Variants in AREL1 observed in about 807,000 individuals in gnomAD.
AREL1 encodes the protein apoptosis resistant E3 ubiquitin protein ligase 1.
In AREL1, 62 loss-of-function variants were observed where a neutral mutation model predicts 99.0. That is an observed-to-expected ratio of 0.63 (90% CI 0.51 to 0.77). The LOEUF is 0.77. Among genes scored for constraint, AREL1 ranks in the 30% least tolerant of loss-of-function variants. The probability of loss-of-function intolerance (pLI) is 0.00; values close to 1 mark genes in which losing one functional copy is unlikely to be tolerated. For missense variants in AREL1, 879 were observed against 1,027.6 expected (o/e 0.86, Z 1.98); for synonymous variants, 380 against 376.5 (o/e 1.01, Z -0.11).
At position 74,686,391 on chromosome 14, in the gene AREL1, A is replaced by G. The variant is rs139825023; in HGVS notation, c.-45-731T>C. Among the ~76,000 whole-genome samples, 29 of 152,372 alleles carry G rather than the reference A, an allele frequency of 1.9e-4. 1 individual carries two copies. The East Asian group carries it at 5.6e-3, about 29-fold the overall frequency. On this transcript the variant is annotated intron_variant, in intron 2 of 19. Transcript: ENST00000356357. ...TTTCCAGAATAAGACTTCAATCTTA[A>G]TTACTCATTTGATCATGTGAACCAA...
chr14:74,684,613 ACGTG>A lies in AREL1; in HGVS notation c.80_83del (p.Ala27ValfsTer2), dbSNP rs766951711. 3 of 1,614,230 alleles carry A rather than the reference ACGTG, an allele frequency of 1.9e-6. No homozygotes were observed. Among genetic ancestry groups the A allele is most frequent in the Non-Finnish European group, 2.5e-6 (3 of 1,180,032 alleles). On this transcript the variant is annotated frameshift_variant, in exon 4 of 20. Coordinates refer to ENST00000356357, the MANE Select transcript of AREL1 (RefSeq NM_001039479.2). LOFTEE classifies it high-confidence loss of function. Reference sequence around the variant, plus strand: ...CCTCATTCTGGAGGAAGCTGACTACACGTGCGGCAAGCTCAAAGAGGAACTTAAT... The same window carrying A: ...CCTCATTCTGGAGGAAGCTGACTACACGGCAAGCTCAAAGAGGAACTTAAT...
At chr14:74,700,973 G>A (rs915042826) in intron 1 of AREL1, among the ~76,000 whole-genome samples, 1 of 152,178 alleles carries the variant, frequency 6.6e-6, no homozygotes, top group Non-Finnish European at 1.5e-5. Context: ...CACAAGATAA[G>A]GGGCTACTGG....
In AREL1 at chr14:74,673,233, C is replaced by G. The variant is rs11844127; in HGVS notation, c.1159-15G>C. Reference sequence around the variant, plus strand: ...AGGTATGAAAACTGGTAAAGAAAAACAAAGAAATTAATCTATAAAACCCTC... The same window carrying G: ...AGGTATGAAAACTGGTAAAGAAAAAGAAAGAAATTAATCTATAAAACCCTC... On this transcript the variant is annotated splice_polypyrimidine_tract_variant and intron_variant, in intron 9 of 19. Transcript: ENST00000356357. 0.25 allele frequency: 404,261 copies of G among 1,611,806 alleles called. 55,991 individuals carry two copies. The highest frequency in any genetic ancestry group is 0.53 in the African/African-American group (39,888 of 74,834).
Position 74,676,417 on chromosome 14 carries a change from A to G in AREL1, c.652-96T>C, listed in dbSNP as rs982985886. ...AAAGAGCTTTCCTATCTATGATCTA[A>G]TCTAAATCACAAAATTACTAATGAG... On this transcript the variant is annotated intron_variant, in intron 6 of 19. Coordinates refer to ENST00000356357, the MANE Select transcript of AREL1 (RefSeq NM_001039479.2). 3 of 1,470,252 alleles carry G rather than the reference A, an allele frequency of 2.0e-6. No individual in the cohort carries two copies. In the African/African-American group the frequency reaches 4.2e-5, roughly 21 times the overall value. 91.1% of individuals were successfully genotyped at this position (1,470,252 alleles called of 1,614,324 possible). A position where few individuals can be genotyped will look rare whatever the true frequency, so the allele number is the denominator to read the frequency against.
chr14:74,710,768 A>G (rs2090265694), intron 1 of AREL1, among the ~76,000 whole-genome samples: 1 of 152,234 alleles, frequency 6.6e-6, no homozygotes, highest in Admixed American at 6.5e-5. Flanking sequence ...TATGTAAACT[A>G]TTAAGCCATC....
intron 8 of AREL1, 96 bp from the exon 9 acceptor site, chr14:74,674,207 C>T (rs2089420831): frequency 6.9e-6 from 7 of 1,007,718 alleles, no homozygotes; most frequent in Non-Finnish European, 1.0e-5. Flanking sequence ...ATTTACATTT[C>T]TCATAACCTT....
chr14:74,667,318 C>T lies in AREL1; in HGVS notation c.2103+1G>A. 1 of 1,614,094 alleles carries T rather than the reference C, an allele frequency of 6.2e-7. No individual in the cohort carries two copies. The highest frequency in any genetic ancestry group is 8.5e-7 in the Non-Finnish European group (1 of 1,180,002). On this transcript the variant is annotated splice_donor_variant, in intron 17 of 19. Transcript: ENST00000356357. LOFTEE classifies it high-confidence loss of function. Reference sequence around the variant, plus strand: ...TGGGAGTCTGAATTGCAATCACTTACCTCAAGCTCATTCTCATCAAAAATA... The same window carrying T: ...TGGGAGTCTGAATTGCAATCACTTATCTCAAGCTCATTCTCATCAAAAATA...
At chr14:74,671,357 GCGA>G in intron 12 of AREL1, 48 bp downstream of exon 12, 1 of 485,964 alleles carries the variant, frequency 2.1e-6, no homozygotes, top group Non-Finnish European at 3.6e-6. Context: ...TGGAGAAGGT[GCGA>G]GTGGGGAGGA....
At chr14:74,710,767 T>G (rs1302166440) in intron 1 of AREL1, among the ~76,000 whole-genome samples, 1 of 152,194 alleles carries the variant, frequency 6.6e-6, no homozygotes, top group African/African-American at 2.4e-5. Flanking sequence ...ATATGTAAAC[T>G]ATTAAGCCAT....
chr14:74,701,171 C>G (rs2090078611), intron 1 of AREL1, among the ~76,000 whole-genome samples: 2 of 151,942 alleles, frequency 1.3e-5, no homozygotes, highest in Admixed American at 1.3e-4. Flanking sequence ...AATGAATAAA[C>G]AAGAGGAAGA....
Position 74,663,305 on chromosome 14 carries a change from G to T in AREL1, c.*415C>A, listed in dbSNP as rs886414698. On this transcript the variant is annotated 3_prime_UTR_variant, in exon 20 of 20. Transcript: ENST00000356357. ...ACTCAAGTACCAGTCTGGTCAAGTA[G>T]TGAGGGCCAAAGAGGGTGTCTCCAA... 17 of 254,242 alleles carry T rather than the reference G, an allele frequency of 6.7e-5. No individual in the cohort carries two copies. The highest frequency in any genetic ancestry group is 5.5e-4 in the Admixed American group (12 of 21,962). 15.7% of individuals were successfully genotyped at this position (254,242 alleles called of 1,614,324 possible).
intron 1 of AREL1, among the ~76,000 whole-genome samples, chr14:74,700,755 G>C (rs1006094143): frequency 1.3e-4 from 20 of 152,192 alleles, no homozygotes; most frequent in African/African-American, 4.6e-4. Context: ...ACTCCAGTCT[G>C]GGCGACAGAG....
Position 74,666,782 on chromosome 14 carries a change from C to T in AREL1, c.2103+537G>A, listed in dbSNP as rs571786568. On this transcript the variant is annotated intron_variant, in intron 17 of 19. Transcript: ENST00000356357. Reference sequence around the variant, plus strand: ...TTGCCCAGGCTGGAATGCAGTGGTGCGATCTCGGATCACTGCAACTTCCGC... The same window carrying T: ...TTGCCCAGGCTGGAATGCAGTGGTGTGATCTCGGATCACTGCAACTTCCGC... Among the ~76,000 whole-genome samples, 114 of 146,602 alleles carry T rather than the reference C, an allele frequency of 7.8e-4. 3 individuals are homozygous for T. In the South Asian group the frequency reaches 0.023, roughly 30 times the overall value.
chr14:74,676,548 C>T, intron 6 of AREL1, 35 bp downstream of exon 6: 1 of 1,599,518 alleles, frequency 6.3e-7, no homozygotes, highest in Non-Finnish European at 8.5e-7. Context: ...AGCCAGCTCT[C>T]TCTAGCACAC....
At chr14:74,667,258 G>C in intron 17 of AREL1, 61 bp downstream of exon 17, 1 of 1,597,986 alleles carries the variant, frequency 6.3e-7, no homozygotes, top group Non-Finnish European at 8.6e-7. Flanking sequence ...ACACCAAGCT[G>C]GTTCCTGTAA....
At chr14:74,692,704 GT>G (rs1488423575) in intron 1 of AREL1, among the ~76,000 whole-genome samples, 1 of 151,918 alleles carries the variant, frequency 6.6e-6, no homozygotes, top group African/African-American at 2.4e-5. Flanking sequence ...CAGTTTTTTT[GT>G]TTTTGTTTTT....
chr14:74,683,640 A>G (rs966704849), intron 4 of AREL1, 107 bp from the exon 5 acceptor site: 6 of 923,360 alleles, frequency 6.5e-6, no homozygotes, highest in Non-Finnish European at 1.0e-5. Context: ...CCACACCAGT[A>G]AATCCCAGTA....
At position 74,669,743 on chromosome 14, in the gene AREL1, T is replaced by C. The variant is rs1372573935; in HGVS notation, c.1820A>G (p.Lys607Arg). Residue 607 changes from lysine (K) to arginine (R), a missense_variant, in exon 15 of 20, where the codon AAA (lysine) becomes AGA (arginine). Physicochemically the swap from Lys to Arg is conservative, Grantham distance 26 (BLOSUM62 2). Coordinates refer to ENST00000356357, the MANE Select transcript of AREL1 (RefSeq NM_001039479.2). ...YFETDDPEFY[K>R]SKVCFILNND... ...GTTGAGGATAAAACAAACTTTAGAT[T>C]TGTAGAATTCTGGGTCATCTGTTTC... 2.5e-6 allele frequency: 4 copies of C among 1,614,066 alleles called. No individual in the cohort carries two copies. Among genetic ancestry groups the C allele is most frequent in the South Asian group, 1.1e-5 (1 of 91,088 alleles).
At chr14:74,711,662 C>T (rs992750130) in intron 1 of AREL1, among the ~76,000 whole-genome samples, 21 of 152,170 alleles carry the variant, frequency 1.4e-4, no homozygotes, top group African/African-American at 1.9e-4. Flanking sequence ...GTCTGGTTTA[C>T]ACTCTTCTAG....
Sources: allele counts gnomAD v4.1 joint callset (sites outside exome capture counted in the v4.1 genomes callset), GRCh38; gene constraint gnomAD v4.1.1; transcripts MANE v1.5; gene names NCBI Gene and HGNC (gene_info 2026-07-23, HGNC 2026-07-21).